The following PI4KA variants were observed in gnomAD, a reference collection of about 807,000 sequenced individuals.
PI4KA encodes phosphatidylinositol 4-kinase alpha, also known as PI4-kinase alpha.
In PI4KA, 122 loss-of-function variants were observed where a neutral mutation model predicts 271.4. The observed-to-expected ratio is 0.45, with a 90% CI of 0.39 to 0.52. The LOEUF is 0.52. Ranked by LOEUF, PI4KA falls within the 20% of genes least tolerant of loss-of-function variation. PI4KA has a pLI of 0.00. For missense variants in PI4KA, 1,969 were observed against 2,769.1 expected, an observed-to-expected ratio of 0.71 and a Z score of 6.48; for synonymous variants, 1,041 against 1,078.8, an observed-to-expected ratio of 0.96 and a Z score of 0.69.
At chr22:20,751,219 T>G in intron 27 of PI4KA, 74 bp downstream of exon 27, 1 of 1,234,666 alleles carries the variant, frequency 8.1e-7, no homozygotes, top group Non-Finnish European at 1.2e-6. Flanking sequence ...TCATGCAGGT[T>G]GACCATCTCG....
chr22:20,839,426 A>G (rs763671954), intron 1 of PI4KA, among the ~76,000 whole-genome samples: 2 of 152,214 alleles, frequency 1.3e-5, no homozygotes, highest in Admixed American at 6.5e-5. Flanking sequence ...CACAATGGCT[A>G]AAGTTTGCAT....
Position 20,710,116 on chromosome 22 carries a change from G to A in PI4KA, c.6084-119C>T, listed in dbSNP as rs961703840. On this transcript the variant is annotated intron_variant, in intron 52 of 54. Coordinates refer to ENST00000255882, the MANE Select transcript of PI4KA (RefSeq NM_058004.4). Reference sequence around the variant, plus strand: ...GGTGTGGGCTCCTGCCACCCACCTCGCCTGCCACATCTTGCACATCCCCGA... The same window carrying A: ...GGTGTGGGCTCCTGCCACCCACCTCACCTGCCACATCTTGCACATCCCCGA... 33 of 679,694 alleles carry A rather than the reference G, an allele frequency of 4.9e-5. 1 individual carries two copies. The highest frequency in any genetic ancestry group is 7.6e-5 in the Non-Finnish European group (28 of 368,028). 42.1% of individuals were successfully genotyped at this position (679,694 alleles called of 1,614,324 possible). A position where few individuals can be genotyped will look rare whatever the true frequency, so the allele number is the denominator to read the frequency against.
At chr22:20,786,763 C>T (rs1222514683) in intron 19 of PI4KA, 3 of 1,101,496 alleles carry the variant, frequency 2.7e-6, no homozygotes, top group Non-Finnish European at 4.1e-6. Flanking sequence ...CTGTGATTTC[C>T]ACCTTACATG....
intron 19 of PI4KA, among the ~76,000 whole-genome samples, chr22:20,786,355 C>A (rs1308908970): frequency 6.6e-6 from 1 of 152,142 alleles, no homozygotes; most frequent in Non-Finnish European, 1.5e-5. Flanking sequence ...ACTTACTGGG[C>A]AGGGGGGATC....
rs778428482 is a variant in PI4KA, at chr22:20,721,387, G to A, written c.5027C>T (p.Ala1676Val). 24 of 1,613,810 alleles carry A rather than the reference G, an allele frequency of 1.5e-5. No homozygotes were observed. The highest frequency in any genetic ancestry group is 1.9e-5 in the Non-Finnish European group (23 of 1,179,924). The part of the protein sequence containing the change: ...MGYVREYILW[A>V]ASKSQLLAHQ... ...TGCCAGAAGCTGGGATTTAGACGCT[G>A]CCCACAGAATATACTCCCGCACATA... Residue 1676 changes from alanine (A) to valine (V), a missense_variant, in exon 43 of 55, where the codon GCA becomes GTA. By Grantham distance (64) the Ala-to-Val change is moderately conservative (BLOSUM62 0). Transcript: ENST00000255882.
intron 18 of PI4KA, chr22:20,793,487 G>A: frequency 2.4e-6 from 1 of 422,494 alleles, no homozygotes; most frequent in African/African-American, 2.0e-5. Context: ...TGGTACTTCT[G>A]CATAATTAGA....
intron 19 of PI4KA, among the ~76,000 whole-genome samples, chr22:20,769,513 CA>C (rs1485613330): frequency 6.6e-6 from 1 of 151,760 alleles, no homozygotes; most frequent in Non-Finnish European, 1.5e-5. Flanking sequence ...ACTAAAAATA[CA>C]AAAAATTAGC....
rs527251611 is a variant in PI4KA, at chr22:20,824,178, A to G, written c.456+148T>C. ...CTAAAGAGTAGTGAAAGACCTAAGC[A>G]TGTCTTAGGTCTGCTGTCAACAGGA... On this transcript the variant is annotated intron_variant, in intron 4 of 54. Transcript: ENST00000255882. 4.4e-6 allele frequency: 3 copies of G among 674,494 alleles called. No individual in the cohort carries two copies. The African/African-American group carries it at 5.4e-5, about 12-fold the overall frequency. The allele number at this position is 674,494 out of a possible 1,614,324, so 41.8% of individuals were successfully genotyped here.
At chr22:20,731,933 A>AG (rs34659283) in intron 36 of PI4KA, among the ~76,000 whole-genome samples, 1 of 147,684 alleles carries the variant, frequency 6.8e-6, no homozygotes, top group Non-Finnish European at 1.5e-5. Flanking sequence ...CGTCTCAAAA[A>AG]ATAAAAATAA....
At position 20,799,131 on chromosome 22, in the gene PI4KA, T is replaced by A. The variant is rs773395215; in HGVS notation, c.1966A>T (p.Ile656Phe). Residue 656 changes from isoleucine (I) to phenylalanine (F), a missense_variant, in exon 16 of 55, where the codon ATT becomes TTT. Physicochemically the swap from Ile to Phe is conservative, Grantham distance 21. Transcript: ENST00000255882. ...CQPPSPLDVL[I>F]IDQLGCLVIT... ...ACCAGGCAGCCCAGCTGGTCAATAA[T>A]CAGCACATCGAGGGGGGAGGGTGGC... The A allele has an allele frequency of 5.6e-6, 9 of 1,613,492 alleles. No homozygotes were observed. Among genetic ancestry groups the A allele is most frequent in the Non-Finnish European group, 7.6e-6 (9 of 1,179,792 alleles).
intron 6 of PI4KA, among the ~76,000 whole-genome samples, chr22:20,818,964 T>C (rs1922211888): frequency 6.6e-6 from 1 of 152,196 alleles, no homozygotes; most frequent in Non-Finnish European, 1.5e-5. Flanking sequence ...TGTAGGGTAT[T>C]TGATGTTTGG....
intron 29 of PI4KA, 119 bp downstream of exon 29, chr22:20,747,464 C>T: frequency 9.5e-7 from 1 of 1,053,764 alleles, no homozygotes; most frequent in Non-Finnish European, 1.4e-6. Context: ...CAGACATCCA[C>T]AGCACCCTGC....
intron 32 of PI4KA, among the ~76,000 whole-genome samples, chr22:20,739,454 C>T (rs1364636672): frequency 6.9e-6 from 1 of 145,798 alleles, no homozygotes; most frequent in Non-Finnish European, 1.5e-5. Flanking sequence ...GGCAACATAG[C>T]AAGACTGTCT....
intron 39 of PI4KA, among the ~76,000 whole-genome samples, chr22:20,728,773 A>G (rs1374422030): frequency 6.6e-6 from 1 of 152,216 alleles, no homozygotes; most frequent in African/African-American, 2.4e-5. Flanking sequence ...GGACACATTC[A>G]CAGGAGGCTG....
At chr22:20,744,079 C>A (rs893291357) in intron 30 of PI4KA, among the ~76,000 whole-genome samples, 18 of 151,994 alleles carry the variant, frequency 1.2e-4, no homozygotes, top group African/African-American at 4.4e-4. Flanking sequence ...AACAAACAAA[C>A]AAAAAGAAAT....
chr22:20,851,741 T>C (rs1194491117), intron 1 of PI4KA, among the ~76,000 whole-genome samples: 1 of 152,152 alleles, frequency 6.6e-6, no homozygotes, highest in Non-Finnish European at 1.5e-5. Context: ...CTCTCAGGAC[T>C]CAATAAACAA....
chr22:20,749,836 T>C, intron 28 of PI4KA, 69 bp downstream of exon 28: 2 of 923,630 alleles, frequency 2.2e-6, no homozygotes, highest in Non-Finnish European at 3.6e-6. Context: ...GAGTTCTTCA[T>C]GTCTCTGTAA....
chr22:20,766,392 G>A (rs753247676), intron 19 of PI4KA, among the ~76,000 whole-genome samples: 4 of 152,140 alleles, frequency 2.6e-5, no homozygotes, highest in African/African-American at 7.2e-5. Flanking sequence ...GGCCAAGCAC[G>A]GTGGCTCACG....
chr22:20,811,737 GC>G (rs1921045750), intron 8 of PI4KA, among the ~76,000 whole-genome samples: 1 of 152,032 alleles, frequency 6.6e-6, no homozygotes, highest in Non-Finnish European at 1.5e-5. Context: ...ACCTAGGCCA[GC>G]CGTGGTGGCT....
Sources: allele counts gnomAD v4.1 joint callset (sites outside exome capture counted in the v4.1 genomes callset), GRCh38; gene constraint gnomAD v4.1.1; transcripts MANE v1.5; gene names NCBI Gene and HGNC (gene_info 2026-07-23, HGNC 2026-07-21).